PRUNE2: variants seen among roughly 807,000 people sequenced by gnomAD.
PRUNE2 encodes prune homolog 2 with BCH domain, also known as protein prune homolog 2.
A neutral mutation model predicts 252.0 loss-of-function variants in PRUNE2; 164 were observed. The ratio of observed to expected loss-of-function variants is 0.65; its 90% CI spans 0.57 to 0.74. The LOEUF is 0.74. Ranked by LOEUF, PRUNE2 falls within the 30% of genes least tolerant of loss-of-function variation. The pLI, the probability that PRUNE2 is intolerant of heterozygous loss-of-function variation, is 0.00. For missense variants in PRUNE2, 3,495 were observed against 3,711.0 expected (o/e 0.94, Z 1.51); for synonymous variants, 1,292 against 1,350.2 (o/e 0.96, Z 0.94).
rs894516583 is a variant in PRUNE2, at chr9:76,611,709, T to C, written c.*2861A>G. The C allele has an allele frequency of 2.6e-5, 4 of 152,632 alleles. No individual in the cohort carries two copies. The allele number at this position is 152,632 out of a possible 1,614,324, so 9.5% of individuals were successfully genotyped here. A position where few individuals can be genotyped will look rare whatever the true frequency, so the allele number is the denominator to read the frequency against. Reference sequence around the variant, plus strand: ...TGACTTCCTCACACACCTCAGAGAATGTCTTAGAGAGTAACCCCATAGAAC... The same window carrying C: ...TGACTTCCTCACACACCTCAGAGAACGTCTTAGAGAGTAACCCCATAGAAC... On this transcript the variant is annotated 3_prime_UTR_variant, in exon 19 of 19. Transcript: ENST00000376718.
intron 6 of PRUNE2, among the ~76,000 whole-genome samples, chr9:76,775,287 A>T (rs17784899): frequency 0.12 from 18,751 of 151,028 alleles, 1,508 homozygotes; most frequent in Admixed American, 0.23. Flanking sequence ...TTCTCAGAGG[A>T]CCATTTTGTA....
chr9:76,794,346 G>A (rs1033903003), intron 6 of PRUNE2, among the ~76,000 whole-genome samples: 2 of 152,198 alleles, frequency 1.3e-5, no homozygotes, highest in African/African-American at 2.4e-5. Context: ...AGCGAGCGCG[G>A]TCGCTCACGC....
chr9:76,878,256 C>G (rs1253471465), intron 1 of PRUNE2, among the ~76,000 whole-genome samples: 1 of 152,166 alleles, frequency 6.6e-6, no homozygotes, highest in Non-Finnish European at 1.5e-5. Flanking sequence ...AAGGGAAGAG[C>G]AGGTGGAAGA....
At chr9:76,701,611 G>C (rs973954676) in intron 9 of PRUNE2, among the ~76,000 whole-genome samples, 2 of 152,118 alleles carry the variant, frequency 1.3e-5, no homozygotes, top group Admixed American at 6.5e-5. Context: ...AACGGATCTG[G>C]GGTCTCTCTG....
chr9:76,685,165 G>A (rs1468908233), intron 9 of PRUNE2, among the ~76,000 whole-genome samples: 2 of 152,208 alleles, frequency 1.3e-5, no homozygotes, highest in Non-Finnish European at 2.9e-5. Flanking sequence ...GAGATAATGA[G>A]TAAAGTGCTT....
chr9:76,866,203 C>T (rs1196700855), intron 1 of PRUNE2, among the ~76,000 whole-genome samples: 1 of 152,182 alleles, frequency 6.6e-6, no homozygotes, highest in East Asian at 1.9e-4. Flanking sequence ...GGGCATAATT[C>T]TAATTAGCTA....
chr9:76,729,179 A>G (rs767520495), intron 6 of PRUNE2, among the ~76,000 whole-genome samples: 1 of 152,190 alleles, frequency 6.6e-6, no homozygotes, highest in Non-Finnish European at 1.5e-5. Flanking sequence ...GTAATGGAGC[A>G]ATGGGTTCTC....
intron 6 of PRUNE2, chr9:76,738,387 G>C (rs1166023279): frequency 1.3e-5 from 2 of 152,102 alleles, no homozygotes; most frequent in East Asian, 1.9e-4. Flanking sequence ...ACCATACAAG[G>C]CTCCTTTGCA....
chr9:76,820,707 G>A (rs966852025), intron 6 of PRUNE2, among the ~76,000 whole-genome samples: 2 of 152,138 alleles, frequency 1.3e-5, no homozygotes, highest in Non-Finnish European at 2.9e-5. Context: ...TTTGGAGAGC[G>A]GGATAAGCAT....
chr9:76,611,942 A>G lies in PRUNE2; in HGVS notation c.*2628T>C, dbSNP rs1431872079. On this transcript the variant is annotated 3_prime_UTR_variant, in exon 19 of 19. Transcript: ENST00000376718. The stretch of plus-strand genomic sequence containing the variant: ...ATAGGAGAAATGCAAAGCAGTTCCC[A>G]GAAGTCAGAACCAAAGCAAGAATGT... The G allele has an allele frequency of 6.6e-6, 1 of 152,640 alleles. No homozygotes were observed. Among genetic ancestry groups the G allele is most frequent in the African/African-American group, 2.4e-5 (1 of 41,456 alleles). 9.5% of individuals were successfully genotyped at this position (152,640 alleles called of 1,614,324 possible). A position where few individuals can be genotyped will look rare whatever the true frequency, so the allele number is the denominator to read the frequency against.
At position 76,709,414 on chromosome 9, in the gene PRUNE2, G is replaced by A. The variant is rs1257286043; in HGVS notation, c.2860C>T (p.Leu954=). The A allele has an allele frequency of 6.2e-7, 1 of 1,613,864 alleles. No homozygotes were observed. Among genetic ancestry groups the A allele is most frequent in the African/African-American group, 1.3e-5 (1 of 74,916 alleles). The change falls in exon 8 of 19, where the codon CTA becomes TTA. Residue 954 remains leucine (L), a synonymous_variant. Transcript: ENST00000376718. Reference sequence around the variant, plus strand: ...GGGGAAGGCACCGAATCTTCTCCTAGGTTGGATGCACTGTAATCAGAACAT... The same window carrying A: ...GGGGAAGGCACCGAATCTTCTCCTAAGTTGGATGCACTGTAATCAGAACAT... ...YKCSDYSASN[L]GEDSVPSPLD... is the part of the protein sequence containing the mutation.
intron 4 of PRUNE2, among the ~76,000 whole-genome samples, chr9:76,838,062 T>C (rs971885706): frequency 1.2e-4 from 18 of 152,114 alleles, no homozygotes; most frequent in Admixed American, 4.6e-4. Flanking sequence ...TGAGCCACTG[T>C]GCCCAGCCAC....
rs372702316 is a variant in PRUNE2, at chr9:76,711,308, G to A, written c.966C>T (p.Pro322=). ...GGATCTCATCACAGCCACAGTCAAA[G>A]GGCTCCAGTTCTAGGCAAGGGTTCT... ...ECQNPCLELE[P]FDCGCDEILV... The change falls in exon 8 of 19, where the codon CCC becomes CCT. Residue 322 remains proline, a synonymous_variant. Transcript: ENST00000376718. The A allele has an allele frequency of 6.2e-7, 1 of 1,613,624 alleles. No homozygotes were observed. Among genetic ancestry groups the A allele is most frequent in the African/African-American group, 1.3e-5 (1 of 74,894 alleles).
At chr9:76,635,659 T>C (rs954025869) in intron 15 of PRUNE2, among the ~76,000 whole-genome samples, 1 of 152,140 alleles carries the variant, frequency 6.6e-6, no homozygotes, top group Admixed American at 6.5e-5. Flanking sequence ...AAAAAAAAGA[T>C]TTTAAAGTTT....
intron 18 of PRUNE2, among the ~76,000 whole-genome samples, chr9:76,616,623 C>T (rs1206182819): frequency 6.6e-6 from 1 of 152,156 alleles, no homozygotes; most frequent in Non-Finnish European, 1.5e-5. Flanking sequence ...TAATTCATCC[C>T]TTCAGCTTTC....
chr9:76,645,755 C>T (rs1439768202), intron 11 of PRUNE2, among the ~76,000 whole-genome samples: 1 of 151,972 alleles, frequency 6.6e-6, no homozygotes, highest in Non-Finnish European at 1.5e-5. Context: ...TTTAAGTAAT[C>T]TGAAAGAAAA....
chr9:76,737,648 C>T (rs1294924697), intron 6 of PRUNE2: 1 of 152,192 alleles, frequency 6.6e-6, no homozygotes, highest in Non-Finnish European at 1.5e-5. Flanking sequence ...TTTGCATACC[C>T]TTTTGTCAAA....
intron 6 of PRUNE2, among the ~76,000 whole-genome samples, chr9:76,722,821 C>G (rs1398783238): frequency 6.6e-6 from 1 of 152,178 alleles, no homozygotes; most frequent in Non-Finnish European, 1.5e-5. Flanking sequence ...GGGACTTAAA[C>G]CCAGGTTAGT....
intron 14 of PRUNE2, 42 bp from the exon 15 acceptor site, chr9:76,636,599 T>A: frequency 1.0e-6 from 1 of 998,758 alleles, no homozygotes; most frequent in Non-Finnish European, 1.5e-6. Flanking sequence ...TCTTAACCCA[T>A]TTTCAGTGGG....
Sources: allele counts gnomAD v4.1 joint callset (sites outside exome capture counted in the v4.1 genomes callset), GRCh38; gene constraint gnomAD v4.1.1; transcripts MANE v1.5; gene names NCBI Gene and HGNC (gene_info 2026-07-23, HGNC 2026-07-21).